The following HEXB variants were observed in gnomAD, a reference collection of about 807,000 sequenced individuals.
The protein encoded by HEXB is beta-hexosaminidase subunit beta.
A neutral mutation model predicts 71.2 loss-of-function variants in HEXB; 51 were observed. The ratio of observed to expected loss-of-function variants is 0.72; its 90% confidence interval spans 0.57 to 0.90. The LOEUF is 0.90. Ranked by LOEUF, HEXB falls within the 40% of genes least tolerant of loss-of-function variation. HEXB has a pLI of 0.00. For synonymous variants in HEXB, 266 were observed against 249.3 expected (o/e 1.07, Z -0.63); for missense variants, 617 against 677.0 (o/e 0.91, Z 0.98).
Position 74,719,067 on chromosome 5 carries a change from C to T in HEXB, c.1417+96C>T, listed in dbSNP as rs1027191770. 8.7e-6 allele frequency: 10 copies of T among 1,150,104 alleles called. No individual in the cohort carries two copies. The Admixed American group carries it at 1.6e-4, about 18-fold the overall frequency. 71.2% of individuals were successfully genotyped at this position (1,150,104 alleles called of 1,614,324 possible). Reference sequence around the variant, plus strand: ...ACCTTTGTTTTATGAGTTTTCTTCCCTAACCTCCCACCCCAGAAGTCTTTA... The same window carrying T: ...ACCTTTGTTTTATGAGTTTTCTTCCTTAACCTCCCACCCCAGAAGTCTTTA... On this transcript the variant is annotated intron_variant, in intron 11 of 13. Coordinates refer to ENST00000261416, the MANE Select transcript of HEXB (RefSeq NM_000521.4).
At chr5:74,651,108 G>A (rs1313579368) in intron 1 of HEXB, among the ~76,000 whole-genome samples, 2 of 152,116 alleles carry the variant, frequency 1.3e-5, no homozygotes, top group East Asian at 3.8e-4. Context: ...GTTTCAGAAT[G>A]CTTTTATGCT....
rs1406648280 is a variant in HEXB at position 74,718,816 on chromosome 5, T to C, written c.1262T>C (p.Val421Ala). ...TAATAGCTTGCGCCGGGCACAATAGTTGAAGTATGGAAAGACAGCGCATAT... is the reference window on the plus strand; with the variant it reads ...TAATAGCTTGCGCCGGGCACAATAGCTGAAGTATGGAAAGACAGCGCATAT... ...DKAKLAPGTI[V>A]EVWKDSAYPE... Residue 421 changes from valine to alanine, a missense_variant, in exon 11 of 14, where the codon GTT (valine) becomes GCT (alanine). Val to Ala is a moderately conservative substitution (Grantham distance 64). Coordinates refer to ENST00000261416, the MANE Select transcript of HEXB (RefSeq NM_000521.4). 3 of 1,614,040 alleles carry C rather than the reference T, an allele frequency of 1.9e-6. No homozygotes were observed. The highest frequency in any genetic ancestry group is 2.5e-6 in the Non-Finnish European group (3 of 1,180,016).
intron 5 of HEXB, among the ~76,000 whole-genome samples, chr5:74,703,493 A>T (rs564947462): frequency 1.3e-5 from 2 of 152,324 alleles, no homozygotes; most frequent in African/African-American, 4.8e-5. Context: ...AGGTGTGCTC[A>T]TTGCTACTAG....
In HEXB at chr5:74,676,882, G is replaced by GTTTGT. The variant is rs771201139; in HGVS notation, c.-376-12428_-376-12424dup. On this transcript the variant is annotated intron_variant, in intron 1 of 13. Coordinates refer to the HEXB transcript ENST00000511181. The stretch of plus-strand genomic sequence containing the variant: ...GCTATACATTGTTCTCTGGTTTTTT[G>GTTTGT]TTTGTTTTGTTTTGTTTTGTTTGAG... 4.1e-4 allele frequency among the ~76,000 whole-genome samples: 63 copies of GTTTGT among 152,068 alleles called. 1 individual carries two copies. Among genetic ancestry groups the GTTTGT allele is most frequent in the African/African-American group, 1.1e-3 (45 of 41,488 alleles).
At chr5:74,674,335 G>A (rs1274806405) in intron 1 of HEXB, among the ~76,000 whole-genome samples, 1 of 152,016 alleles carries the variant, frequency 6.6e-6, no homozygotes, top group Non-Finnish European at 1.5e-5. Flanking sequence ...CAGGCGTGGT[G>A]GCTCAAGCCT....
At chr5:74,648,885 C>A (rs1255811476) in intron 1 of HEXB, among the ~76,000 whole-genome samples, 2 of 152,144 alleles carry the variant, frequency 1.3e-5, no homozygotes, top group African/African-American at 4.8e-5. Context: ...GAAACTGCCA[C>A]CCTCAACAAA....
intron 1 of HEXB, among the ~76,000 whole-genome samples, chr5:74,651,371 C>A (rs572895175): frequency 1.3e-5 from 2 of 152,200 alleles, no homozygotes; most frequent in Admixed American, 1.3e-4. Context: ...AAATTTAATA[C>A]GTTTAACAAA....
Position 74,721,255 on chromosome 5 carries a change from CTGTTTTT to C in HEXB, c.*83_*89del. 1 of 1,122,602 alleles carries C rather than the reference CTGTTTTT, an allele frequency of 8.9e-7. No homozygotes were observed. The highest frequency in any genetic ancestry group is 1.3e-5 in the South Asian group (1 of 79,620). 69.5% of individuals were successfully genotyped at this position (1,122,602 alleles called of 1,614,324 possible). On this transcript the variant is annotated 3_prime_UTR_variant, in exon 14 of 14. Transcript: ENST00000261416. ...AAATCATGTAAAATAAGATATTAGA[CTGTTTTT>C]TGAATAAAATATTTTTATTGATTGA...
chr5:74,669,142 G>T (rs1312469306), intron 1 of HEXB, among the ~76,000 whole-genome samples: 2 of 152,008 alleles, frequency 1.3e-5, no homozygotes, highest in African/African-American at 4.8e-5. Context: ...TAATAGAAAT[G>T]GGATTTCACC....
chr5:74,696,959 A>T (rs1469706379), intron 4 of HEXB, 37 bp from the exon 5 acceptor site: 10 of 1,127,410 alleles, frequency 8.9e-6, no homozygotes, highest in Non-Finnish European at 1.2e-5. Flanking sequence ...GACAACAGAA[A>T]ATTCTAAAAC....
chr5:74,689,517 G>A (rs193098903), intron 2 of HEXB, 44 bp downstream of exon 2: 117 of 1,574,460 alleles, frequency 7.4e-5, no homozygotes, highest in East Asian at 4.7e-4. Flanking sequence ...CCAGGTGCTC[G>A]CTGACGGACT....
rs1749650159 is a variant in HEXB, at chr5:74,715,580, T to C, written c.972T>C (p.Pro324=). The C allele has an allele frequency of 6.2e-7, 1 of 1,610,658 alleles. No individual in the cohort carries two copies. Among genetic ancestry groups the C allele is most frequent in the Admixed American group, 1.7e-5 (1 of 60,014 alleles). ...NKLDSFGPIN[P]TLNTTYSFLT... Reference sequence around the variant, plus strand: ...TGGACTCTTTTGGACCTATAAACCCTACTCTGAATACAACATACAGCTTCC... The same window carrying C: ...TGGACTCTTTTGGACCTATAAACCCCACTCTGAATACAACATACAGCTTCC... The change falls in exon 8 of 14, where the codon CCT becomes CCC. Residue 324 remains proline (P), a synonymous_variant. Transcript: ENST00000261416.
rs1461530643 is a variant in HEXB at position 74,662,506 on chromosome 5, C to T, written c.-377+21948C>T. Among the ~76,000 whole-genome samples, 4 of 67,910 alleles carry T rather than the reference C, an allele frequency of 5.9e-5. No homozygotes were observed. In the Admixed American group the frequency reaches 5.9e-4, roughly 10 times the overall value. The allele number at this position is 67,910 out of a possible 152,430, so 44.6% of individuals were successfully genotyped here. Reference sequence around the variant, plus strand: ...CTCTGATCAACATCTTTATGTATAACTCTTTTTCTATATCTCAGGTGAATT... The same window carrying T: ...CTCTGATCAACATCTTTATGTATAATTCTTTTTCTATATCTCAGGTGAATT... On this transcript the variant is annotated intron_variant, in intron 1 of 13. Coordinates refer to the HEXB transcript ENST00000511181.
At position 74,653,880 on chromosome 5, in the gene HEXB, A is replaced by AT. The variant is rs202151312; in HGVS notation, c.-377+13322_-377+13323insT. On this transcript the variant is annotated intron_variant, in intron 1 of 13. Coordinates refer to the HEXB transcript ENST00000511181. ...ATAGAGGTCGATAGGTCACATCTTC[A>AT]AAGAGCTCAGAGACTAGTAGGGGTG... Among the ~76,000 whole-genome samples the AT allele has an allele frequency of 4.7e-3, 723 of 152,238 alleles. 10 individuals carry two copies. Among genetic ancestry groups the AT allele is most frequent in the African/African-American group, 0.015 (612 of 41,530 alleles).
intron 1 of HEXB, among the ~76,000 whole-genome samples, chr5:74,667,403 G>A (rs1748451280): frequency 6.6e-6 from 1 of 151,578 alleles, no homozygotes. Context: ...TGGATGAGAA[G>A]AGCAAAACTC....
At chr5:74,685,853 C>T (rs2112123749) in intron 1 of HEXB, among the ~76,000 whole-genome samples, 1 of 152,172 alleles carries the variant, frequency 6.6e-6, no homozygotes, top group South Asian at 2.1e-4. Context: ...ACGGAGGGGA[C>T]ACCGGAGCTG....
At chr5:74,718,396 T>C in intron 10 of HEXB, 33 bp downstream of exon 10, 1 of 1,440,638 alleles carries the variant, frequency 6.9e-7, no homozygotes, top group South Asian at 1.1e-5. Flanking sequence ...CTGATCAATA[T>C]AAGAGACTTA....
chr5:74,689,458 T>C lies in HEXB; in HGVS notation c.430T>C (p.Ser144Pro). Residue 144 changes from serine to proline, a missense_variant, in exon 2 of 14, where the codon TCT becomes CCT. Transcript: ENST00000261416. ...AGAGTGTGATGCTTTCCCCAACATA[T>C]CTTCAGATGAGTCTTGTAAGTACCT... The part of the protein sequence containing the change: ...QSECDAFPNI[S>P]SDESYTLLVK... 1 of 1,613,640 alleles carries C rather than the reference T, an allele frequency of 6.2e-7. No individual in the cohort carries two copies. Among genetic ancestry groups the C allele is most frequent in the South Asian group, 1.1e-5 (1 of 91,060 alleles).
At position 74,713,634 on chromosome 5, in the gene HEXB, A is replaced by G; in HGVS notation, c.900A>G (p.Lys300=). 6.2e-7 allele frequency: 1 copy of G among 1,610,672 alleles called. No individual in the cohort carries two copies. Among genetic ancestry groups the G allele is most frequent in the Non-Finnish European group, 8.5e-7 (1 of 1,177,030 alleles). Residue 300 remains lysine, a splice_region_variant and synonymous_variant, in exon 7 of 14, where the codon AAA becomes AAG. Transcript: ENST00000261416. ...CTGGGCATACACTATCTTGGGGAAA[A>G]GGTAAGGAGTTGTATTTTATTTCAT... is the stretch of plus-strand genomic sequence containing the variant. ...DTPGHTLSWG[K]GQKDLLTPCY...
Sources: allele counts gnomAD v4.1 joint callset (sites outside exome capture counted in the v4.1 genomes callset), GRCh38; gene constraint gnomAD v4.1.1; transcripts MANE v1.5; gene names NCBI Gene and HGNC (gene_info 2026-07-23, HGNC 2026-07-21).